PACRG: variants seen among roughly 807,000 people sequenced by gnomAD.
The protein encoded by PACRG is parkin coregulated gene protein.
A neutral mutation model predicts 29.7 loss-of-function variants in PACRG; 29 were observed. The observed-to-expected ratio is 0.98, with a 90% CI of 0.73 to 1.33. The LOEUF (loss-of-function observed/expected upper bound fraction) is 1.33, where lower values mean the gene tolerates loss of function less well. Ranked by LOEUF, PACRG falls within the 40% of genes most tolerant of loss-of-function variation. The probability of loss-of-function intolerance (pLI) is 0.00; values close to 1 mark genes in which losing one functional copy is unlikely to be tolerated. For synonymous variants in PACRG, 116 were observed against 118.7 expected (o/e 0.98, Z 0.15); for missense variants, 279 against 316.2 (o/e 0.88, Z 0.89).
chr6:162,872,865 G>A (rs940488290), intron 2 of PACRG, among the ~76,000 whole-genome samples: 3 of 152,030 alleles, frequency 2.0e-5, no homozygotes, highest in African/African-American at 4.8e-5. Flanking sequence ...GGGAATGAGC[G>A]CTCATAGGTA....
chr6:162,874,577 G>C (rs923866383), intron 2 of PACRG, among the ~76,000 whole-genome samples: 10 of 152,106 alleles, frequency 6.6e-5, no homozygotes, highest in African/African-American at 2.4e-4. Flanking sequence ...TGCACCACAA[G>C]GCTGTTTGCC....
intron 2 of PACRG, among the ~76,000 whole-genome samples, chr6:162,819,175 G>A (rs559592889): frequency 1.3e-5 from 2 of 152,196 alleles, no homozygotes; most frequent in South Asian, 2.1e-4. Context: ...ATATGAGCAG[G>A]TATATGTGAG....
intron 2 of PACRG, among the ~76,000 whole-genome samples, chr6:162,974,461 A>G (rs1418174739): frequency 1.3e-5 from 2 of 152,188 alleles, no homozygotes; most frequent in Admixed American, 6.5e-5. Context: ...ATATTTCTTT[A>G]TAGTACTTTA....
intron 4 of PACRG, among the ~76,000 whole-genome samples, chr6:163,221,931 C>T (rs545337785): frequency 6.6e-6 from 1 of 152,234 alleles, no homozygotes; most frequent in South Asian, 2.1e-4. Flanking sequence ...ATCCGCAGCT[C>T]TGGGATCTAT....
At chr6:163,102,968 C>A (rs1815183067) in intron 4 of PACRG, among the ~76,000 whole-genome samples, 1 of 152,150 alleles carries the variant, frequency 6.6e-6, no homozygotes, top group African/African-American at 2.4e-5. Context: ...GCTTTATCAA[C>A]AGCTCAGCAA....
At chr6:162,920,536 C>A (rs544890667) in intron 2 of PACRG, among the ~76,000 whole-genome samples, 1 of 152,252 alleles carries the variant, frequency 6.6e-6, no homozygotes, top group East Asian at 1.9e-4. Context: ...GGGATGAAAT[C>A]ACTACTTTTT....
At chr6:163,110,982 C>T (rs1341783883) in intron 4 of PACRG, among the ~76,000 whole-genome samples, 1 of 152,220 alleles carries the variant, frequency 6.6e-6, no homozygotes, top group African/African-American at 2.4e-5. Context: ...TCCAAATATG[C>T]TCTTCCCTCT....
At chr6:163,067,584 C>G (rs1266091341) in intron 3 of PACRG, among the ~76,000 whole-genome samples, 1 of 152,028 alleles carries the variant, frequency 6.6e-6, no homozygotes, top group Non-Finnish European at 1.5e-5. Flanking sequence ...GCCAAGGTAA[C>G]TTGTAAAAAA....
At chr6:163,047,125 C>G (rs1318520129) in intron 2 of PACRG, among the ~76,000 whole-genome samples, 1 of 152,164 alleles carries the variant, frequency 6.6e-6, no homozygotes, top group Non-Finnish European at 1.5e-5. Flanking sequence ...ACAATTAATA[C>G]CAGTGGTGAA....
In PACRG at chr6:163,214,744, C is replaced by A. The variant is rs903721928; in HGVS notation, c.614-100083C>A. 5.9e-5 allele frequency among the ~76,000 whole-genome samples: 9 copies of A among 152,008 alleles called. No homozygotes were observed. The East Asian group carries it at 1.7e-3, about 29-fold the overall frequency. ...ATGTTTTCAGGTTGTTGTAATTCTT[C>A]TTTCCAGTATTCAAACTTTCTAGTT... On this transcript the variant is annotated intron_variant, in intron 4 of 4. Transcript: ENST00000366888.
At chr6:163,312,098 G>A (rs550614985) in intron 4 of PACRG, among the ~76,000 whole-genome samples, 44 of 152,226 alleles carry the variant, frequency 2.9e-4, no homozygotes, top group African/African-American at 8.9e-4. Context: ...TATCTTTTCC[G>A]TGTGCCCTCC....
At chr6:162,949,296 A>G (rs1404712219) in intron 2 of PACRG, among the ~76,000 whole-genome samples, 1 of 152,118 alleles carries the variant, frequency 6.6e-6, no homozygotes, top group Non-Finnish European at 1.5e-5. Context: ...TGGGAGCTTA[A>G]AAAATGTTGG....
chr6:163,095,379 G>A, intron 4 of PACRG: 2 of 985,452 alleles, frequency 2.0e-6, no homozygotes, highest in Non-Finnish European at 2.4e-6. Flanking sequence ...ATTCTGAGTT[G>A]TCTGTAACCT....
intron 4 of PACRG, among the ~76,000 whole-genome samples, chr6:163,206,628 T>C (rs1181677292): frequency 6.6e-6 from 1 of 151,990 alleles, no homozygotes; most frequent in African/African-American, 2.4e-5. Context: ...GAAAAAATAA[T>C]CTGTACACCA....
upstream of PACRG, chr6:162,727,191 A>C (rs1779269085): frequency 6.3e-6 from 1 of 157,558 alleles, no homozygotes; most frequent in Non-Finnish European, 1.4e-5. Flanking sequence ...CTTCCATTAG[A>C]GTTTAATGCT....
intron 2 of PACRG, among the ~76,000 whole-genome samples, chr6:162,951,581 C>A (rs1260854762): frequency 6.6e-6 from 1 of 152,208 alleles, no homozygotes; most frequent in Non-Finnish European, 1.5e-5. Flanking sequence ...TTTCTGAGAA[C>A]AGAGTACCTG....
chr6:163,232,390 G>T (rs1256893701), intron 4 of PACRG, among the ~76,000 whole-genome samples: 1 of 152,132 alleles, frequency 6.6e-6, no homozygotes, highest in Non-Finnish European at 1.5e-5. Flanking sequence ...CAGCCTGCGT[G>T]TCAGACCAAC....
intron 2 of PACRG, among the ~76,000 whole-genome samples, chr6:163,000,362 G>A (rs1562819036): frequency 6.6e-6 from 1 of 152,158 alleles, no homozygotes; most frequent in Non-Finnish European, 1.5e-5. Flanking sequence ...GTCACCCTCT[G>A]AGAACACTGT....
intron 2 of PACRG, among the ~76,000 whole-genome samples, chr6:162,874,058 A>G (rs1171829899): frequency 6.6e-6 from 1 of 151,890 alleles, no homozygotes; most frequent in Non-Finnish European, 1.5e-5. Flanking sequence ...AGAAATGTGC[A>G]TAAACTCAAT....
Sources: allele counts gnomAD v4.1 joint callset (sites outside exome capture counted in the v4.1 genomes callset), GRCh38; gene constraint gnomAD v4.1.1; transcripts MANE v1.5; gene names NCBI Gene and HGNC (gene_info 2026-07-23, HGNC 2026-07-21).